The following GNG12 variants were observed in gnomAD, a reference collection of about 807,000 sequenced individuals.
The protein encoded by GNG12 is guanine nucleotide-binding protein G(I)/G(S)/G(O) subunit gamma-12.
For missense variants in GNG12, 69 were observed against 83.8 expected, an observed-to-expected ratio of 0.82 and a Z score of 0.69; for synonymous variants, 28 against 29.7, an observed-to-expected ratio of 0.94 and a Z score of 0.19.
intron 1 of GNG12, among the ~76,000 whole-genome samples, chr1:67,832,822 T>C (rs1419259864): frequency 2.6e-5 from 4 of 151,124 alleles, no homozygotes; most frequent in Admixed American, 1.3e-4. Flanking sequence ...TCCCGGGAGG[T>C]AGAAAGTAGG....
intron 1 of GNG12, among the ~76,000 whole-genome samples, chr1:67,823,121 C>G (rs114807217): frequency 0.015 from 2,329 of 152,228 alleles, 62 homozygotes; most frequent in African/African-American, 0.053. Context: ...CAGTAAACAA[C>G]AACAACAAAA....
intron 2 of GNG12, among the ~76,000 whole-genome samples, chr1:67,737,400 G>A (rs918923300): frequency 3.9e-5 from 6 of 152,138 alleles, no homozygotes; most frequent in African/African-American, 9.7e-5. Context: ...AAGAAAGTTG[G>A]TTCTGAAAGA....
At chr1:67,791,492 G>A (rs1164640224) in intron 1 of GNG12, among the ~76,000 whole-genome samples, 1 of 152,052 alleles carries the variant, frequency 6.6e-6, no homozygotes, top group African/African-American at 2.4e-5. Context: ...CTCCCACACT[G>A]CTCTCCCTTC....
At chr1:67,718,730 A>G (rs1332494694) in intron 2 of GNG12, among the ~76,000 whole-genome samples, 3 of 151,906 alleles carry the variant, frequency 2.0e-5, no homozygotes, top group Non-Finnish European at 4.4e-5. Flanking sequence ...AATCTGATCT[A>G]CCCTGACCAC....
chr1:67,760,972 A>C (rs1646599828), intron 2 of GNG12, among the ~76,000 whole-genome samples: 1 of 152,232 alleles, frequency 6.6e-6, no homozygotes, highest in Non-Finnish European at 1.5e-5. Context: ...TCTTGCTTTG[A>C]AAATGTGCAG....
chr1:67,775,388 T>C (rs189150004), intron 2 of GNG12, among the ~76,000 whole-genome samples: 4 of 152,366 alleles, frequency 2.6e-5, no homozygotes, highest in Admixed American at 2.6e-4. Context: ...GAATTTTGAA[T>C]GTCATGAAGA....
intron 1 of GNG12, among the ~76,000 whole-genome samples, chr1:67,805,903 G>GA (rs200668105): frequency 1.9e-3 from 243 of 129,324 alleles, no homozygotes; most frequent in African/African-American, 3.4e-3. Flanking sequence ...AAAGACAAAA[G>GA]AAAAAAAAAA....
At chr1:67,827,436 A>AT (rs57761551) in intron 1 of GNG12, among the ~76,000 whole-genome samples, 3 of 147,830 alleles carry the variant, frequency 2.0e-5, no homozygotes, top group African/African-American at 7.5e-5. Flanking sequence ...TTTTTTTTTT[A>AT]TTTTTTTAAG....
chr1:67,825,524 A>C (rs780946492), intron 1 of GNG12, among the ~76,000 whole-genome samples: 21 of 152,192 alleles, frequency 1.4e-4, no homozygotes, highest in Non-Finnish European at 2.9e-4. Context: ...GGATCAACTT[A>C]AAAAAGCAAG....
intron 2 of GNG12, among the ~76,000 whole-genome samples, chr1:67,752,463 C>T (rs2100727536): frequency 6.6e-6 from 1 of 152,288 alleles, no homozygotes; most frequent in South Asian, 2.1e-4. Flanking sequence ...AGTCAGATCC[C>T]AGTACCTTGA....
chr1:67,740,995 A>T lies in GNG12; in HGVS notation c.-26-33283T>A, dbSNP rs193154504. 3.5e-3 allele frequency among the ~76,000 whole-genome samples: 531 copies of T among 151,494 alleles called. 4 individuals are homozygous for T. Among genetic ancestry groups the T allele is most frequent in the Admixed American group, 7.4e-3 (113 of 15,186 alleles). On this transcript the variant is annotated intron_variant, in intron 2 of 3. Coordinates refer to ENST00000370982, the MANE Select transcript of GNG12 (RefSeq NM_018841.6). ...TTTATATTTTTATCCACTAGTTCTT[A>T]AAAAAAAACCCAAACTAAAGAATAA...
At chr1:67,746,494 G>C (rs1328618833) in intron 2 of GNG12, among the ~76,000 whole-genome samples, 1 of 152,140 alleles carries the variant, frequency 6.6e-6, no homozygotes, top group Non-Finnish European at 1.5e-5. Context: ...GCACGGAAGT[G>C]GCTTGTGCTG....
At chr1:67,786,817 C>T (rs1290828243) in intron 1 of GNG12, among the ~76,000 whole-genome samples, 1 of 151,888 alleles carries the variant, frequency 6.6e-6, no homozygotes, top group Non-Finnish European at 1.5e-5. Context: ...CGTGCCTGTA[C>T]TCCCAGCTAC....
intron 1 of GNG12, among the ~76,000 whole-genome samples, chr1:67,812,704 T>C (rs1009981611): frequency 6.6e-5 from 10 of 152,208 alleles, no homozygotes; most frequent in Middle Eastern, 3.2e-3. Flanking sequence ...CTATAAAAGC[T>C]GAGCTACCCA....
At chr1:67,806,214 T>C (rs1646893811) in intron 1 of GNG12, among the ~76,000 whole-genome samples, 1 of 152,110 alleles carries the variant, frequency 6.6e-6, no homozygotes, top group Non-Finnish European at 1.5e-5. Flanking sequence ...AAAGCAAGCA[T>C]CAGAGAATGC....
chr1:67,826,958 C>A (rs922022578), intron 1 of GNG12, among the ~76,000 whole-genome samples: 4 of 152,208 alleles, frequency 2.6e-5, no homozygotes, highest in Non-Finnish European at 5.9e-5. Flanking sequence ...TTGGCTAGTG[C>A]CATCTGAAGC....
chr1:67,712,584 T>C (rs1382053650), intron 2 of GNG12, among the ~76,000 whole-genome samples: 1 of 152,088 alleles, frequency 6.6e-6, no homozygotes, highest in Non-Finnish European at 1.5e-5. Flanking sequence ...TCCCAGCTAC[T>C]CAGGAGGCTG....
At chr1:67,767,588 T>C (rs1045532856) in intron 2 of GNG12, among the ~76,000 whole-genome samples, 2 of 152,238 alleles carry the variant, frequency 1.3e-5, no homozygotes, top group Admixed American at 6.5e-5. Flanking sequence ...GTGCCAACTA[T>C]ACTAGTCTTT....
At chr1:67,780,674 A>C (rs530814471) in intron 1 of GNG12, among the ~76,000 whole-genome samples, 9 of 152,286 alleles carry the variant, frequency 5.9e-5, no homozygotes, top group African/African-American at 2.2e-4. Context: ...TAACAAAGCA[A>C]GTTTTGACTT....
Sources: allele counts gnomAD v4.1 joint callset (sites outside exome capture counted in the v4.1 genomes callset), GRCh38; gene constraint gnomAD v4.1.1; transcripts MANE v1.5; gene names NCBI Gene and HGNC (gene_info 2026-07-23, HGNC 2026-07-21).